The following ATXN10 variants were observed in gnomAD, a reference collection of about 807,000 sequenced individuals.
The protein encoded by ATXN10 is ataxin-10.
In ATXN10, 28 loss-of-function variants were observed where a neutral mutation model predicts 52.9. The ratio of observed to expected loss-of-function variants is 0.53; its 90% CI spans 0.39 to 0.73. The LOEUF (loss-of-function observed/expected upper bound fraction) is 0.73. Among genes scored for constraint, ATXN10 ranks in the 30% least tolerant of loss-of-function variants. The pLI, the probability that ATXN10 is intolerant of heterozygous loss-of-function variation, is 0.00. For missense variants in ATXN10, 565 were observed against 577.0 expected, an observed-to-expected ratio of 0.98 and a Z score of 0.21; for synonymous variants, 226 against 221.5, an observed-to-expected ratio of 1.02 and a Z score of -0.18.
At chr22:45,782,369 G>A (rs111496845) in intron 9 of ATXN10, among the ~76,000 whole-genome samples, 14,984 of 152,232 alleles carry the variant, frequency 0.098, 946 homozygotes, top group Middle Eastern at 0.16. Flanking sequence ...AAACGTTCAT[G>A]GCAGCCTAAT....
Position 45,766,050 on chromosome 22 carries a change from A to G in ATXN10, c.1173+25512A>G, listed in dbSNP as rs867117940. Among the ~76,000 whole-genome samples, 3 of 152,238 alleles carry G rather than the reference A, an allele frequency of 2.0e-5. No homozygotes were observed. Among genetic ancestry groups the G allele is most frequent in the South Asian group, 4.1e-4 (2 of 4,832 alleles). Reference sequence around the variant, plus strand: ...CTGACAGGCTAATGGGGCACAGTAGAAAAATGCAGAAATAGATTCAAATGT... The same window carrying G: ...CTGACAGGCTAATGGGGCACAGTAGGAAAATGCAGAAATAGATTCAAATGT... On this transcript the variant is annotated intron_variant, in intron 9 of 11. Transcript: ENST00000252934. The surrounding 1 kb of genome is among the most constrained non-coding windows in gnomAD (Gnocchi z 4.6).
chr22:45,745,475 C>T (rs1925693027), intron 9 of ATXN10, among the ~76,000 whole-genome samples: 1 of 152,150 alleles, frequency 6.6e-6, no homozygotes, highest in African/African-American at 2.4e-5. Context: ...TCCCAGCAGT[C>T]ACATACTTGA....
At chr22:45,800,649 A>G (rs998083973) in intron 9 of ATXN10, among the ~76,000 whole-genome samples, 5 of 152,276 alleles carry the variant, frequency 3.3e-5, no homozygotes, top group Non-Finnish European at 7.3e-5. Flanking sequence ...GCATGTGTTC[A>G]TAGCATCTCC....
At chr22:45,709,896 C>T (rs1013609344) in intron 5 of ATXN10, among the ~76,000 whole-genome samples, 1 of 152,180 alleles carries the variant, frequency 6.6e-6, no homozygotes, top group Admixed American at 6.5e-5. Flanking sequence ...AGGCCTGGAA[C>T]CTGAGTCCTG....
chr22:45,766,894 A>G lies in ATXN10; in HGVS notation c.1173+26356A>G, dbSNP rs1178841675. ...TTACAGAAAAACGCAAAGGTGAAAC[A>G]GTGCTCAACTTTGCTCATAAAAAGA... On this transcript the variant is annotated intron_variant, in intron 9 of 11. Transcript: ENST00000252934. This position sits in a 1 kb window ranked among gnomAD's most constrained non-coding sequence, Gnocchi z 4.6. 1.3e-5 allele frequency among the ~76,000 whole-genome samples: 2 copies of G among 152,244 alleles called. No individual in the cohort carries two copies. The highest frequency in any genetic ancestry group is 6.5e-5 in the Admixed American group (1 of 15,288).
At chr22:45,799,522 G>T (rs2146877000) in intron 9 of ATXN10, among the ~76,000 whole-genome samples, 1 of 152,244 alleles carries the variant, frequency 6.6e-6, no homozygotes, top group Admixed American at 6.5e-5. Flanking sequence ...AGAATGTCAT[G>T]TGAAAATACA....
intron 1 of ATXN10, among the ~76,000 whole-genome samples, chr22:45,687,722 G>C (rs1923201836): frequency 2.0e-5 from 3 of 152,198 alleles, no homozygotes; most frequent in African/African-American, 4.8e-5. Context: ...CTTAGCTGAT[G>C]AGTGTCTACA....
At chr22:45,764,765 G>C (rs143021926) in intron 9 of ATXN10, among the ~76,000 whole-genome samples, 18 of 152,332 alleles carry the variant, frequency 1.2e-4, no homozygotes, top group Admixed American at 1.2e-3. Flanking sequence ...GTAAGCTGCG[G>C]AGTTATTGGA....
At position 45,787,733 on chromosome 22, in the gene ATXN10, C is replaced by T. The variant is rs1039389465; in HGVS notation, c.1174-19226C>T. Among the ~76,000 whole-genome samples the T allele has an allele frequency of 1.3e-5, 2 of 152,176 alleles. No individual in the cohort carries two copies. Among genetic ancestry groups the T allele is most frequent in the Admixed American group, 1.3e-4 (2 of 15,278 alleles). ...ATAATTTTAACAGAACACAGTAGGA[C>T]ATTTGCATATTTCACAGCCCGCAGT... On this transcript the variant is annotated intron_variant, in intron 9 of 11. Coordinates refer to ENST00000252934, the MANE Select transcript of ATXN10 (RefSeq NM_013236.4). This position sits in a 1 kb window ranked among gnomAD's most constrained non-coding sequence, Gnocchi z 4.2.
intron 9 of ATXN10, among the ~76,000 whole-genome samples, chr22:45,785,872 T>G (rs994528121): frequency 6.6e-6 from 1 of 152,254 alleles, no homozygotes; most frequent in Non-Finnish European, 1.5e-5. Context: ...GGAAGATATT[T>G]TGCATTCCAA....
rs570589854 is a variant in ATXN10, at chr22:45,757,422, C to G, written c.1173+16884C>G. On this transcript the variant is annotated intron_variant, in intron 9 of 11. Coordinates refer to ENST00000252934, the MANE Select transcript of ATXN10 (RefSeq NM_013236.4). The surrounding 1 kb of genome is among the most constrained non-coding windows in gnomAD (Gnocchi z 4.6). ...CAGGGACAGAAAATGCCTGAGGCTCCGAGGTGGGAGCCCAGGCTGGGATTC... is the reference window on the plus strand; with the variant it reads ...CAGGGACAGAAAATGCCTGAGGCTCGGAGGTGGGAGCCCAGGCTGGGATTC... Among the ~76,000 whole-genome samples, 5 of 152,210 alleles carry G rather than the reference C, an allele frequency of 3.3e-5. No individual in the cohort carries two copies. In the East Asian group the frequency reaches 9.7e-4, roughly 29 times the overall value.
chr22:45,700,921 G>C (rs1375120874), intron 4 of ATXN10, among the ~76,000 whole-genome samples: 1 of 152,118 alleles, frequency 6.6e-6, no homozygotes, highest in Non-Finnish European at 1.5e-5. Flanking sequence ...GTAAGATGTG[G>C]GTAACCATTC....
chr22:45,726,451 G>GT lies in ATXN10; in HGVS notation c.729-2974_729-2973insT, dbSNP rs549408494. Among the ~76,000 whole-genome samples the GT allele has an allele frequency of 2.1e-3, 314 of 152,218 alleles. 2 individuals carry two copies. Among genetic ancestry groups the GT allele is most frequent in the African/African-American group, 7.2e-3 (298 of 41,528 alleles). The stretch of plus-strand genomic sequence containing the variant: ...AAATTTTCTTGTTTGTTTGCACAAA[G>GT]GTATTCATAGTGTCCTTAAATGGTC... On this transcript the variant is annotated intron_variant, in intron 6 of 11. Transcript: ENST00000252934.
Position 45,712,307 on chromosome 22 carries a change from A to G in ATXN10, c.648-6106A>G, listed in dbSNP as rs1217204562. 6.6e-6 allele frequency among the ~76,000 whole-genome samples: 1 copy of G among 152,224 alleles called. No individual in the cohort carries two copies. The highest frequency in any genetic ancestry group is 1.5e-5 in the Non-Finnish European group (1 of 68,030). On this transcript the variant is annotated intron_variant, in intron 5 of 11. Transcript: ENST00000252934. This position sits in a 1 kb window ranked among gnomAD's most constrained non-coding sequence, Gnocchi z 4.6. ...AAAAAGGGGATGCTGAACAGGGGAA[A>G]AAGTGGCAGATATCCACAAGGACTG...
At chr22:45,838,864 A>G (rs1012911590) in intron 10 of ATXN10, among the ~76,000 whole-genome samples, 6 of 152,246 alleles carry the variant, frequency 3.9e-5, no homozygotes, top group African/African-American at 1.4e-4. Flanking sequence ...CTAGAACCCA[A>G]GACAGCAGTG....
intron 7 of ATXN10, 61 bp downstream of exon 7, chr22:45,729,651 C>A: frequency 6.4e-7 from 1 of 1,551,678 alleles, no homozygotes; most frequent in Non-Finnish European, 8.9e-7. Flanking sequence ...TCTAACTCAG[C>A]CAAGTCCTGT....
In ATXN10 at chr22:45,795,370, A is replaced by T. The variant is rs1310480635; in HGVS notation, c.1174-11589A>T. On this transcript the variant is annotated intron_variant, in intron 9 of 11. Coordinates refer to ENST00000252934, the MANE Select transcript of ATXN10 (RefSeq NM_013236.4). The surrounding 1 kb of genome is among the most constrained non-coding windows in gnomAD (Gnocchi z 4.6). ...ACTAGAATGGATTCTATTCTATTCT[A>T]TTCTATTCTATTCTATTCTATTCTA... Among the ~76,000 whole-genome samples, 2 of 138,522 alleles carry T rather than the reference A, an allele frequency of 1.4e-5. No individual in the cohort carries two copies. The allele number at this position is 138,522 out of a possible 152,430, so 90.9% of individuals were successfully genotyped here. A position where few individuals can be genotyped will look rare whatever the true frequency, so the allele number is the denominator to read the frequency against.
chr22:45,723,889 G>A (rs1214403657), intron 6 of ATXN10, among the ~76,000 whole-genome samples: 1 of 151,814 alleles, frequency 6.6e-6, no homozygotes, highest in Non-Finnish European at 1.5e-5. Context: ...CCTGGGAGAC[G>A]GAGGTTGCAG....
Position 45,701,112 on chromosome 22 carries a change from A to G in ATXN10, c.488+734A>G, listed in dbSNP as rs1222807333. 2.0e-5 allele frequency among the ~76,000 whole-genome samples: 3 copies of G among 152,186 alleles called. No individual in the cohort carries two copies. ...GGCTTTGAATCTAGGCTTTGGTGCC[A>G]ATGAATGGGGTGACTTTGATGGTTG... On this transcript the variant is annotated intron_variant, in intron 4 of 11. Transcript: ENST00000252934. This position sits in a 1 kb window ranked among gnomAD's most constrained non-coding sequence, Gnocchi z 4.2.
Sources: gnomAD v4.1 joint callset for allele counts (sites outside exome capture counted in the v4.1 genomes callset) on GRCh38, gnomAD v4.1.1 for gene constraint, Gnocchi (gnomAD v3.1) non-coding constraint, MANE v1.5 for transcripts, NCBI Gene and HGNC (gene_info 2026-07-23, HGNC 2026-07-21) for gene names.